The following IFT81 variants were observed in gnomAD, a reference collection of about 807,000 sequenced individuals.
The protein encoded by IFT81 is intraflagellar transport 81, also known as intraflagellar transport protein 81 homolog.
IFT81 carries 72 observed loss-of-function variants against 102.6 expected under a neutral mutation model. The observed-to-expected ratio is 0.70, with a 90% CI of 0.58 to 0.85. IFT81 has a LOEUF of 0.85. Among genes scored for constraint, IFT81 ranks in the 40% least tolerant of loss-of-function variants. The pLI, the probability that IFT81 is intolerant of heterozygous loss-of-function variation, is 0.00. For synonymous variants in IFT81, 237 were observed against 242.7 expected (o/e 0.98, Z 0.22); for missense variants, 723 against 787.3 (o/e 0.92, Z 0.98).
intron 2 of IFT81, 78 bp downstream of exon 2, chr12:110,127,602 ATTAT>A: frequency 7.7e-7 from 1 of 1,299,782 alleles, no homozygotes; most frequent in Non-Finnish European, 1.0e-6. Flanking sequence ...TCTTGGGCAC[ATTAT>A]TTAACCTCTC....
At chr12:110,154,002 T>A (rs867081234) in intron 10 of IFT81, among the ~76,000 whole-genome samples, 4 of 151,848 alleles carry the variant, frequency 2.6e-5, no homozygotes, top group African/African-American at 9.7e-5. Flanking sequence ...TATTTTTTTT[T>A]AGACAAAGTC....
Position 110,128,079 on chromosome 12 carries a change from C to G in IFT81, c.178C>G (p.Gln60Glu), listed in dbSNP as rs928911851. Residue 60 changes from glutamine to glutamate, a missense_variant, in exon 3 of 19, where the codon CAG becomes GAG. Physicochemically the swap from Gln to Glu is conservative, Grantham distance 29. Transcript: ENST00000242591. ...LVDIREEMPE[Q>E]TAKRMLSLLG... ...GGATATCAGAGAGGAGATGCCAGAG[C>G]AGACAGCCAAACGAATGTTGAGCCT... 1 of 1,613,568 alleles carries G rather than the reference C, an allele frequency of 6.2e-7. No individual in the cohort carries two copies. The highest frequency in any genetic ancestry group is 8.5e-7 in the Non-Finnish European group (1 of 1,179,524).
chr12:110,186,923 A>G (rs1236773626), intron 12 of IFT81, among the ~76,000 whole-genome samples: 1 of 151,770 alleles, frequency 6.6e-6, no homozygotes, highest in Non-Finnish European at 1.5e-5. Context: ...CTTTCCATGT[A>G]TTTCTTATGG....
intron 11 of IFT81, among the ~76,000 whole-genome samples, chr12:110,166,538 C>G: frequency 6.6e-6 from 1 of 152,006 alleles, no homozygotes; most frequent in East Asian, 1.9e-4. Flanking sequence ...TTTATGTTAT[C>G]TCACAATATA....
At chr12:110,148,694 T>C (rs1593299926) in intron 10 of IFT81, among the ~76,000 whole-genome samples, 2 of 152,178 alleles carry the variant, frequency 1.3e-5, no homozygotes, top group Middle Eastern at 6.8e-3. Context: ...AGGCTGGTCT[T>C]GAACTCCTGA....
intron 14 of IFT81, among the ~76,000 whole-genome samples, chr12:110,198,794 C>T (rs951157662): frequency 6.7e-6 from 1 of 150,044 alleles, no homozygotes; most frequent in African/African-American, 2.4e-5. Flanking sequence ...TTTTTTCTCA[C>T]TTTTTCTTTC....
chr12:110,192,209 G>A (rs2137549257), intron 13 of IFT81, among the ~76,000 whole-genome samples: 1 of 150,528 alleles, frequency 6.6e-6, no homozygotes, highest in East Asian at 1.9e-4. Context: ...TCTCTGATTG[G>A]TGTCCATTCT....
intron 7 of IFT81, 55 bp downstream of exon 7, chr12:110,135,492 A>G (rs1894437840): frequency 2.0e-6 from 2 of 1,013,108 alleles, no homozygotes; most frequent in South Asian, 2.9e-5. Flanking sequence ...CCTTCTCATA[A>G]TCCAAATGTA....
At position 110,218,722 on chromosome 12, in the gene IFT81, A is replaced by G. The variant is rs765894024; in HGVS notation, c.*496A>G. Reference sequence around the variant, plus strand: ...GCAAGAAAATTTAATATTTTGACTAACATGTCTTTTCTGTTTGTATCATTT... The same window carrying G: ...GCAAGAAAATTTAATATTTTGACTAGCATGTCTTTTCTGTTTGTATCATTT... On this transcript the variant is annotated 3_prime_UTR_variant, in exon 19 of 19. Transcript: ENST00000242591. 6.6e-6 allele frequency: 1 copy of G among 152,262 alleles called. No individual in the cohort carries two copies. The highest frequency in any genetic ancestry group is 6.5e-5 in the Admixed American group (1 of 15,278). The allele number at this position is 152,262 out of a possible 1,614,324, so 9.4% of individuals were successfully genotyped here.
At chr12:110,161,980 A>C (rs984397955) in intron 10 of IFT81, among the ~76,000 whole-genome samples, 1 of 152,180 alleles carries the variant, frequency 6.6e-6, no homozygotes, top group African/African-American at 2.4e-5. Flanking sequence ...GTTTAAGGAA[A>C]TCTCCCAAGA....
At position 110,158,815 on chromosome 12, in the gene IFT81, C is replaced by T. The variant is rs190790022; in HGVS notation, c.1042-4104C>T. Among the ~76,000 whole-genome samples, 17 of 152,120 alleles carry T rather than the reference C, an allele frequency of 1.1e-4. No individual in the cohort carries two copies. The East Asian group carries it at 3.1e-3, about 28-fold the overall frequency. Reference sequence around the variant, plus strand: ...CTGTTAGCCAGGATGGTCTCGATCTCCTGACCTCGTGATCCACCCGCCTCA... The same window carrying T: ...CTGTTAGCCAGGATGGTCTCGATCTTCTGACCTCGTGATCCACCCGCCTCA... On this transcript the variant is annotated intron_variant, in intron 10 of 18. Transcript: ENST00000242591.
chr12:110,179,747 TATATATATATATATATATATATATATAC>T (rs1245543238), intron 11 of IFT81, among the ~76,000 whole-genome samples: 8 of 40,806 alleles, frequency 2.0e-4, no homozygotes, highest in South Asian at 1.6e-3. Context: ...TATATATATA[TATATATATATATATATATATATATATAC>T]ACACACACAC....
chr12:110,218,109 G>C lies in IFT81; in HGVS notation c.1914G>C (p.Met638Ile). 1 of 1,603,232 alleles carries C rather than the reference G, an allele frequency of 6.2e-7. No homozygotes were observed. The highest frequency in any genetic ancestry group is 8.5e-7 in the Non-Finnish European group (1 of 1,176,884). ...SHGPNMKQAK[M>I]WRDLEQLMEC... is the part of the protein sequence containing the mutation. ...GTCCAAATATGAAACAAGCAAAAAT[G>C]TGGCGTGATTTGGAACAATTAATGG... is the stretch of plus-strand genomic sequence containing the variant. The change falls in exon 19 of 19, where the codon ATG (methionine) becomes ATC (isoleucine). Residue 638 changes from methionine to isoleucine, a missense_variant. Physicochemically the swap from Met to Ile is conservative, Grantham distance 10. Transcript: ENST00000242591.
intron 10 of IFT81, among the ~76,000 whole-genome samples, chr12:110,149,864 G>A (rs1895424302): frequency 6.6e-6 from 1 of 152,076 alleles, no homozygotes; most frequent in Non-Finnish European, 1.5e-5. Context: ...TAGGGTCCCG[G>A]GGGTTTTTAT....
chr12:110,147,993 A>G (rs889510724), intron 10 of IFT81, among the ~76,000 whole-genome samples: 6 of 152,162 alleles, frequency 3.9e-5, no homozygotes, highest in African/African-American at 1.2e-4. Context: ...CTTTTTTTCA[A>G]TTAAGATCCA....
chr12:110,159,456 T>G (rs1896022140), intron 10 of IFT81, among the ~76,000 whole-genome samples: 1 of 152,150 alleles, frequency 6.6e-6, no homozygotes, highest in East Asian at 1.9e-4. Context: ...CCAGATCCTG[T>G]CTCAAAAAAA....
intron 10 of IFT81, among the ~76,000 whole-genome samples, chr12:110,160,449 A>T (rs1808535279): frequency 6.6e-6 from 1 of 152,226 alleles, no homozygotes; most frequent in Admixed American, 6.5e-5. Flanking sequence ...GGAAGCATCC[A>T]ACATGGGAGG....
At chr12:110,171,048 C>T (rs1394798795) in intron 11 of IFT81, among the ~76,000 whole-genome samples, 1 of 152,140 alleles carries the variant, frequency 6.6e-6, no homozygotes, top group Non-Finnish European at 1.5e-5. Context: ...TCTAAGTGAG[C>T]CTAGGCAAAC....
chr12:110,153,157 C>G (rs1895637525), intron 10 of IFT81, among the ~76,000 whole-genome samples: 1 of 152,168 alleles, frequency 6.6e-6, no homozygotes, highest in Non-Finnish European at 1.5e-5. Flanking sequence ...TAATACTGGC[C>G]TCAGAAAATG....
Sources: gnomAD v4.1 joint callset for allele counts (sites outside exome capture counted in the v4.1 genomes callset) on GRCh38, gnomAD v4.1.1 for gene constraint, MANE v1.5 for transcripts, NCBI Gene and HGNC (gene_info 2026-07-23, HGNC 2026-07-21) for gene names.